The following FBXO46 variants were observed in gnomAD, a reference collection of about 807,000 sequenced individuals.
FBXO46 encodes F-box protein 46.
Under a neutral mutation model 30.7 loss-of-function variants are expected in FBXO46, and 13 were observed. The observed-to-expected ratio is 0.42, with a 90% CI of 0.28 to 0.67. The LOEUF (loss-of-function observed/expected upper bound fraction) is 0.67, where lower values mean the gene tolerates loss of function less well. Ranked by LOEUF, FBXO46 falls within the 30% of genes least tolerant of loss-of-function variation. The pLI is 0.21. For missense variants in FBXO46, 754 were observed against 871.5 expected (o/e 0.87, Z 1.70); for synonymous variants, 467 against 385.8 (o/e 1.21, Z -2.47).
At position 45,713,690 on chromosome 19, in the gene FBXO46, G is replaced by T. The variant is rs973655970; in HGVS notation, c.-78-117C>A. The T allele has an allele frequency of 2.6e-5, 13 of 508,858 alleles. No homozygotes were observed. The highest frequency in any genetic ancestry group is 2.5e-4 in the African/African-American group (13 of 51,406). The allele number at this position is 508,858 out of a possible 1,614,324, so 31.5% of individuals were successfully genotyped here. ...ACCATCAAGAACTCTATTCCTGGCT[G>T]GGCGCGGTGGCTCACGCCTGTAATC... is the stretch of plus-strand genomic sequence containing the variant. On this transcript the variant is annotated intron_variant, in intron 1 of 1. Transcript: ENST00000317683. The surrounding 1 kb of genome is among the most constrained non-coding windows in gnomAD (Gnocchi z 4.7).
At chr19:45,728,899 G>A (rs942968882) in intron 1 of FBXO46, among the ~76,000 whole-genome samples, 1 of 152,126 alleles carries the variant, frequency 6.6e-6, no homozygotes, top group South Asian at 2.1e-4. Context: ...ACTTTGGGAC[G>A]CTGGGGCGGG....
rs1319556404 is a variant in FBXO46, at chr19:45,713,304, G to A, written c.192C>T (p.Val64=). 4.3e-6 allele frequency: 7 copies of A among 1,613,558 alleles called. No individual in the cohort carries two copies. The Admixed American group carries it at 8.3e-5, about 19-fold the overall frequency. Residue 64 remains valine, a synonymous_variant, in exon 2 of 2, where the codon GTC becomes GTT. Transcript: ENST00000317683. The surrounding 1 kb of genome is among the most constrained non-coding windows in gnomAD (Gnocchi z 4.7). The stretch of plus-strand genomic sequence containing the variant: ...GGAGCGGAGCCGGCTGGGAGGCAGG[G>A]ACCTCAGTGGCCAAGGCGGGTGGTG... ...ENTPPALATE[V]PASQPAPLLS...
At chr19:45,715,142 G>C (rs932947493) in intron 1 of FBXO46, 1 of 152,172 alleles carries the variant, frequency 6.6e-6, no homozygotes, top group Non-Finnish European at 1.5e-5. Context: ...GCAATCTTGC[G>C]CATGAGTCCG....
intron 1 of FBXO46, among the ~76,000 whole-genome samples, chr19:45,720,757 C>A (rs1317721319): frequency 1.3e-5 from 2 of 152,088 alleles, no homozygotes; most frequent in African/African-American, 2.4e-5. Flanking sequence ...CACACCAAGT[C>A]AGAACTTAGA....
chr19:45,731,687 A>G (rs1968315690), upstream of FBXO46, among the ~76,000 whole-genome samples: 2 of 151,998 alleles, frequency 1.3e-5, no homozygotes, highest in South Asian at 4.1e-4. Context: ...AGTCCCATAC[A>G]TTAGGAGTTA....
intron 1 of FBXO46, among the ~76,000 whole-genome samples, chr19:45,720,908 C>T (rs148507178): frequency 1.3e-5 from 2 of 150,532 alleles, no homozygotes; most frequent in African/African-American, 2.4e-5. Context: ...ACAGGAGAAT[C>T]GGAGAATTGC....
chr19:45,711,618 C>A lies in FBXO46; in HGVS notation c.*66G>T. On this transcript the variant is annotated 3_prime_UTR_variant, in exon 2 of 2. Transcript: ENST00000317683. ...GAATGGGCAGGCGGCCCAGTCCGGACCCTCGGCTCCCGGGGGGAGAGGGGA... is the reference window on the plus strand; with the variant it reads ...GAATGGGCAGGCGGCCCAGTCCGGAACCTCGGCTCCCGGGGGGAGAGGGGA... The A allele has an allele frequency of 7.7e-7, 1 of 1,299,930 alleles. No individual in the cohort carries two copies. The highest frequency in any genetic ancestry group is 2.0e-5 in the Admixed American group (1 of 50,690). 80.5% of individuals were successfully genotyped at this position (1,299,930 alleles called of 1,614,324 possible).
At position 45,712,877 on chromosome 19, in the gene FBXO46, C is replaced by T; in HGVS notation, c.619G>A (p.Gly207Ser). Reference protein sequence around the residue: ...APVVFVSAEQGGPAKGVGSER... With the variant: ...APVVFVSAEQSGPAKGVGSER... ...GATCCCACCCCCTTGGCCGGTCCAC[C>T]TTGCTCGGCGGACACAAAGACTACA... The change falls in exon 2 of 2, where the codon GGT (glycine) becomes AGT (serine). Residue 207 changes from glycine (G) to serine (S), a missense_variant. Transcript: ENST00000317683. The surrounding 1 kb of genome is among the most constrained non-coding windows in gnomAD (Gnocchi z 8.8). 3 of 1,613,502 alleles carry T rather than the reference C, an allele frequency of 1.9e-6. No homozygotes were observed. Among genetic ancestry groups the T allele is most frequent in the Non-Finnish European group, 2.5e-6 (3 of 1,179,732 alleles).
chr19:45,715,673 G>A (rs1968078481), intron 1 of FBXO46: 1 of 151,976 alleles, frequency 6.6e-6, no homozygotes, highest in South Asian at 2.1e-4. Context: ...CAGGCGTGGT[G>A]GTGCGCGCCT....
intron 1 of FBXO46, among the ~76,000 whole-genome samples, chr19:45,729,305 C>T (rs1968278576): frequency 6.6e-6 from 1 of 151,962 alleles, no homozygotes; most frequent in Non-Finnish European, 1.5e-5. Context: ...GTGGCACATG[C>T]TTGTAATCCC....
chr19:45,732,244 G>A (rs990833270), upstream of FBXO46, among the ~76,000 whole-genome samples: 1 of 152,054 alleles, frequency 6.6e-6, no homozygotes, highest in African/African-American at 2.4e-5. Context: ...GGAACTATAT[G>A]CCAGACACCC....
chr19:45,726,855 T>C (rs1304773363), intron 1 of FBXO46, among the ~76,000 whole-genome samples: 9 of 152,146 alleles, frequency 5.9e-5, no homozygotes, highest in East Asian at 3.8e-4. Flanking sequence ...CTCACACTTA[T>C]TGAGAGCATA....
rs934584165 is a variant in FBXO46 at position 45,710,760 on chromosome 19, G to C, written c.*924C>G. On this transcript the variant is annotated 3_prime_UTR_variant, in exon 2 of 2. Transcript: ENST00000317683. ...AGAGAGAACAAACAAAAATACCCCA[G>C]ACCAAAATGCCTGAAAAATCAAGGT... 1.3e-5 allele frequency: 2 copies of C among 152,566 alleles called. No homozygotes were observed. The highest frequency in any genetic ancestry group is 4.8e-5 in the African/African-American group (2 of 41,432). The allele number at this position is 152,566 out of a possible 1,614,324, so 9.5% of individuals were successfully genotyped here.
At chr19:45,718,974 C>T (rs1223462480) in intron 1 of FBXO46, among the ~76,000 whole-genome samples, 1 of 149,544 alleles carries the variant, frequency 6.7e-6, no homozygotes, top group African/African-American at 2.5e-5. Context: ...TGGCCAGGCA[C>T]GGTGGCTCAC....
At chr19:45,726,553 CAGG>C (rs1466713689) in intron 1 of FBXO46, among the ~76,000 whole-genome samples, 1 of 151,800 alleles carries the variant, frequency 6.6e-6, no homozygotes, top group Non-Finnish European at 1.5e-5. Flanking sequence ...GAGGCTGAGG[CAGG>C]AGAATTGCTT....
At chr19:45,732,588 C>CTTTTTTTTTTTTTTTTTTTTTTTTTTTT (rs750349502), upstream of FBXO46, among the ~76,000 whole-genome samples, 3 of 86,944 alleles carry the variant, frequency 3.5e-5, no homozygotes, top group African/African-American at 4.9e-5. Flanking sequence ...CTTTTTTTTC[C>CTTTTTTTTTTTTTTTTTTTTTTTTTTTT]TTTTTTTTTT....
In FBXO46 at chr19:45,722,772, A is replaced by AAAG. The variant is rs1361395982; in HGVS notation, c.-79+8076_-79+8077insCTT. 1.2e-3 allele frequency among the ~76,000 whole-genome samples: 176 copies of AAAG among 151,212 alleles called. 1 individual carries two copies. Among genetic ancestry groups the AAAG allele is most frequent in the African/African-American group, 3.7e-3 (153 of 41,150 alleles). On this transcript the variant is annotated intron_variant, in intron 1 of 1. Coordinates refer to ENST00000317683, the MANE Select transcript of FBXO46 (RefSeq NM_001080469.2). ...GCCAGACTCCGTCTCAAAAAAAAAA[A>AAAG]AAAGTGGGCTGGGTGTGATGACTCA...
In FBXO46 at chr19:45,711,007, G is replaced by C. The variant is rs1353777083; in HGVS notation, c.*677C>G. The C allele has an allele frequency of 4.3e-6, 1 of 233,140 alleles. No individual in the cohort carries two copies. The highest frequency in any genetic ancestry group is 5.7e-5 in the Admixed American group (1 of 17,424). 14.4% of individuals were successfully genotyped at this position (233,140 alleles called of 1,614,324 possible). A position where few individuals can be genotyped will look rare whatever the true frequency, so the allele number is the denominator to read the frequency against. On this transcript the variant is annotated 3_prime_UTR_variant, in exon 2 of 2. Coordinates refer to ENST00000317683, the MANE Select transcript of FBXO46 (RefSeq NM_001080469.2). ...GCTTAAATAATAACGGGAGGAGGAG[G>C]GTTTTTATACTTCAGCTTTTTTTTT... is the stretch of plus-strand genomic sequence containing the variant.
upstream of FBXO46, among the ~76,000 whole-genome samples, chr19:45,731,195 A>G (rs1372159206): frequency 6.6e-6 from 1 of 152,182 alleles, no homozygotes; most frequent in East Asian, 1.9e-4. Context: ...GAATATTGCA[A>G]TAGGGTGTTG....
Sources: allele counts gnomAD v4.1 joint callset (sites outside exome capture counted in the v4.1 genomes callset), GRCh38; gene constraint gnomAD v4.1.1; non-coding constraint Gnocchi (gnomAD v3.1); transcripts MANE v1.5; gene names NCBI Gene and HGNC (gene_info 2026-07-23, HGNC 2026-07-21).